Variants in COL5A1 observed in about 807,000 individuals in gnomAD.
COL5A1 encodes collagen alpha-1(V) chain.
COL5A1 carries 16 observed loss-of-function variants against 263.7 expected under a neutral mutation model. The observed-to-expected ratio is 0.06, with a 90% CI of 0.04 to 0.09. The LOEUF is 0.09. Ranked by LOEUF, COL5A1 falls within the 10% of genes least tolerant of loss-of-function variation. COL5A1 has a pLI of 1.00. For synonymous variants in COL5A1, 1,012 were observed against 1,004.5 expected (o/e 1.01, Z -0.14); for missense variants, 2,036 against 2,540.5 (o/e 0.80, Z 4.27).
At chr9:134,666,020 G>T (rs993880538) in intron 1 of COL5A1, among the ~76,000 whole-genome samples, 1 of 152,162 alleles carries the variant, frequency 6.6e-6, no homozygotes, top group African/African-American at 2.4e-5. Context: ...CCGGGAGGCG[G>T]AGGTTGCAGT....
intron 4 of COL5A1, among the ~76,000 whole-genome samples, chr9:134,710,424 G>T (rs1833982152): frequency 6.6e-6 from 1 of 152,276 alleles, no homozygotes; most frequent in Non-Finnish European, 1.5e-5. Context: ...ACCTAAGCCT[G>T]CTCCCCATCG....
intron 1 of COL5A1, among the ~76,000 whole-genome samples, chr9:134,671,524 T>C (rs1832538790): frequency 6.6e-6 from 1 of 152,182 alleles, no homozygotes. Flanking sequence ...CACCACAATG[T>C]TCCTTTACTT....
At chr9:134,656,594 G>A (rs2132487162) in intron 1 of COL5A1, among the ~76,000 whole-genome samples, 1 of 152,278 alleles carries the variant, frequency 6.6e-6, no homozygotes, top group Non-Finnish European at 1.5e-5. Flanking sequence ...CCGGTGTGCA[G>A]GACATCGTCC....
In COL5A1 at chr9:134,716,579, G is replaced by A. The variant is rs148843358; in HGVS notation, c.655-10687G>A. 6.7e-3 allele frequency among the ~76,000 whole-genome samples: 1,022 copies of A among 152,288 alleles called. 9 individuals carry two copies. The highest frequency in any genetic ancestry group is 0.014 in the Middle Eastern group (4 of 294). On this transcript the variant is annotated intron_variant, in intron 4 of 65. Coordinates refer to ENST00000371817, the MANE Select transcript of COL5A1 (RefSeq NM_000093.5). The surrounding 1 kb of genome is among the most constrained non-coding windows in gnomAD (Gnocchi z 4.5). ...GAGGTGAACCCCCACCCTTTGGAGA[G>A]AGCAAGTCTTTGAGGAGGTGGACCT...
intron 44 of COL5A1, chr9:134,810,587 CT>C (rs1197440948): frequency 2.2e-6 from 1 of 463,946 alleles, no homozygotes; most frequent in African/African-American, 1.9e-5. Flanking sequence ...GGCTTGGGTT[CT>C]GCAGACACAC....
intron 1 of COL5A1, among the ~76,000 whole-genome samples, chr9:134,679,857 G>A (rs901452413): frequency 6.6e-6 from 1 of 151,980 alleles, no homozygotes; most frequent in Non-Finnish European, 1.5e-5. Context: ...CTGCCAATAT[G>A]TCCCTCTTAC....
At chr9:134,774,680 C>T (rs1341608860) in intron 26 of COL5A1, among the ~76,000 whole-genome samples, 179 bp from the exon 27 acceptor site, 1 of 152,222 alleles carries the variant, frequency 6.6e-6, no homozygotes, top group Non-Finnish European at 1.5e-5. Context: ...CCTCCACTGT[C>T]AGTGCAGGCT....
chr9:134,812,533 C>T lies in COL5A1; in HGVS notation c.3744+31C>T, dbSNP rs140378960. On this transcript the variant is annotated intron_variant, in intron 47 of 65. Transcript: ENST00000371817. ...TGTGCCTGAGACTCCAAGGCCTTGC[C>T]GTACTAGCGGCTCATGTTTTGGGGA... 4.7e-3 allele frequency: 7,583 copies of T among 1,613,428 alleles called. 31 individuals are homozygous for T. The highest frequency in any genetic ancestry group is 5.9e-3 in the Non-Finnish European group (7,016 of 1,179,358).
rs754948598 is a variant in COL5A1, at chr9:134,738,486, G to C, written c.1402G>C (p.Glu468Gln). 1.2e-6 allele frequency: 2 copies of C among 1,614,048 alleles called. No homozygotes were observed. Among genetic ancestry groups the C allele is most frequent in the South Asian group, 1.1e-5 (1 of 91,078 alleles). Residue 468 changes from glutamate (E) to glutamine (Q), a missense_variant, in exon 10 of 66, where the codon GAG (glutamate) becomes CAG (glutamine). Around this residue, in one of 3 missense-constraint regions of COL5A1, gnomAD observed 600 missense variants for 634.5 expected, o/e 0.95. Coordinates refer to ENST00000371817, the MANE Select transcript of COL5A1 (RefSeq NM_000093.5). ...PAIIEPGMLI[E>Q]GPPGPEGPAG... Reference sequence around the variant, plus strand: ...TCTGTCTCCCCAGGGCATGCTCATCGAGGGCCCGCCTGGCCCAGAAGGCCC... The same window carrying C: ...TCTGTCTCCCCAGGGCATGCTCATCCAGGGCCCGCCTGGCCCAGAAGGCCC...
At position 134,842,881 on chromosome 9, in the gene COL5A1, A is replaced by T. The variant is rs1830146041; in HGVS notation, c.*578A>T. 1 of 164,192 alleles carries T rather than the reference A, an allele frequency of 6.1e-6. No individual in the cohort carries two copies. The highest frequency in any genetic ancestry group is 2.4e-5 in the African/African-American group (1 of 41,576). 10.2% of individuals were successfully genotyped at this position (164,192 alleles called of 1,614,324 possible). ...GGTGCTTATGTTTTTGTGAGTTTTA[A>T]GTAAATATTTGTATTGTATTGTTAT... is the stretch of plus-strand genomic sequence containing the variant. On this transcript the variant is annotated 3_prime_UTR_variant, in exon 66 of 66. Transcript: ENST00000371817. The surrounding 1 kb of genome is among the most constrained non-coding windows in gnomAD (Gnocchi z 5.8).
intron 38 of COL5A1, 140 bp downstream of exon 38, chr9:134,802,147 G>A (rs1838137921): frequency 1.2e-6 from 1 of 858,392 alleles, no homozygotes; most frequent in Non-Finnish European, 1.9e-6. Context: ...GGTCCTGAAT[G>A]TTGGTCAGCG....
intron 6 of COL5A1, 144 bp from the exon 7 acceptor site, chr9:134,730,092 C>T: frequency 7.9e-7 from 1 of 1,268,840 alleles, no homozygotes; most frequent in Non-Finnish European, 1.1e-6. Flanking sequence ...CCCCTGCACC[C>T]AAGAGGTCTC....
Position 134,818,930 on chromosome 9 carries a change from G to A in COL5A1, c.4392+29G>A, listed in dbSNP as rs1564481226. On this transcript the variant is annotated intron_variant, in intron 56 of 65. Coordinates refer to ENST00000371817, the MANE Select transcript of COL5A1 (RefSeq NM_000093.5). The surrounding 1 kb of genome is among the most constrained non-coding windows in gnomAD (Gnocchi z 6.0). ...AGTCACATTCCTCATGGTGAGCATA[G>A]CGGGTGGGATGACTTCGCCACCCAA... 1.2e-6 allele frequency: 2 copies of A among 1,613,220 alleles called. No homozygotes were observed. The highest frequency in any genetic ancestry group is 1.7e-6 in the Non-Finnish European group (2 of 1,179,840).
chr9:134,685,566 AT>A (rs1833031154), intron 1 of COL5A1, among the ~76,000 whole-genome samples: 1 of 128,276 alleles, frequency 7.8e-6, no homozygotes, highest in African/African-American at 3.1e-5. Context: ...CCATCCATCT[AT>A]TCATCCATCC....
Position 134,728,824 on chromosome 9 carries a change from G to C in COL5A1, c.924+17G>C. The stretch of plus-strand genomic sequence containing the variant: ...GTCCCCGAGGTCTGGGCTGAGCGGG[G>C]GACTGGGTTGGGCTGGGCCCCTCGA... On this transcript the variant is annotated intron_variant, in intron 6 of 65. Coordinates refer to ENST00000371817, the MANE Select transcript of COL5A1 (RefSeq NM_000093.5). 1 of 1,613,948 alleles carries C rather than the reference G, an allele frequency of 6.2e-7. No homozygotes were observed. The highest frequency in any genetic ancestry group is 8.5e-7 in the Non-Finnish European group (1 of 1,179,998).
intron 27 of COL5A1, among the ~76,000 whole-genome samples, chr9:134,778,586 G>A (rs1482539695): frequency 1.3e-5 from 2 of 152,316 alleles, no homozygotes; most frequent in East Asian, 3.9e-4. Flanking sequence ...CCCCCAAGGC[G>A]CTCCATGCTG....
At chr9:134,703,864 C>G (rs1833757435) in intron 4 of COL5A1, among the ~76,000 whole-genome samples, 1 of 151,978 alleles carries the variant, frequency 6.6e-6, no homozygotes, top group Admixed American at 6.5e-5. Context: ...TGGTCTCGAT[C>G]TCCTGACCTT....
In COL5A1 at chr9:134,676,532, C is replaced by T. The variant is rs138881082; in HGVS notation, c.110-14380C>T. ...GAGCAAGCCTTTCTGTAGGATTCAG[C>T]CCTAAAGGGGGGCATGGCAGGTCAA... is the stretch of plus-strand genomic sequence containing the variant. On this transcript the variant is annotated intron_variant, in intron 1 of 65. Coordinates refer to ENST00000371817, the MANE Select transcript of COL5A1 (RefSeq NM_000093.5). Among the ~76,000 whole-genome samples, 458 of 126,290 alleles carry T rather than the reference C, an allele frequency of 3.6e-3. 2 individuals are homozygous for T. The highest frequency in any genetic ancestry group is 0.014 in the African/African-American group (428 of 30,820). 82.9% of individuals were successfully genotyped at this position (126,290 alleles called of 152,430 possible). A position where few individuals can be genotyped will look rare whatever the true frequency, so the allele number is the denominator to read the frequency against.
intron 4 of COL5A1, among the ~76,000 whole-genome samples, chr9:134,717,408 G>A (rs1194566182): frequency 1.3e-5 from 2 of 152,206 alleles, no homozygotes; most frequent in African/African-American, 2.4e-5. Context: ...TCCATCCCCA[G>A]CTTCAGAAGG....
Sources: allele counts gnomAD v4.1 joint callset (sites outside exome capture counted in the v4.1 genomes callset), GRCh38; gene constraint gnomAD v4.1.1; regional missense constraint gnomAD v4.1.1; non-coding constraint Gnocchi (gnomAD v3.1); transcripts MANE v1.5; gene names NCBI Gene and HGNC (gene_info 2026-07-23, HGNC 2026-07-21).